Variants in PLCE1 observed in about 807,000 individuals in gnomAD.
The protein encoded by PLCE1 is 1-phosphatidylinositol 4,5-bisphosphate phosphodiesterase epsilon-1.
PLCE1 carries 119 observed loss-of-function variants against 242.8 expected under a neutral mutation model. That is an observed-to-expected ratio of 0.49 (90% CI 0.42 to 0.57). The LOEUF is 0.57. Ranked by LOEUF, PLCE1 falls within the 20% of genes least tolerant of loss-of-function variation. The pLI, the probability that PLCE1 is intolerant of heterozygous loss-of-function variation, is 0.00. For missense variants in PLCE1, 2,441 were observed against 2,788.8 expected, an observed-to-expected ratio of 0.88 and a Z score of 2.81; for synonymous variants, 945 against 1,017.4, an observed-to-expected ratio of 0.93 and a Z score of 1.35.
At chr10:94,160,671 GT>G (rs1024741425) in intron 3 of PLCE1, among the ~76,000 whole-genome samples, 4 of 152,182 alleles carry the variant, frequency 2.6e-5, no homozygotes, top group African/African-American at 4.8e-5. Context: ...TGCTTTTGGT[GT>G]TTTAGACATG....
At chr10:94,291,801 G>A (rs544520936) in intron 22 of PLCE1, among the ~76,000 whole-genome samples, 3 of 152,092 alleles carry the variant, frequency 2.0e-5, no homozygotes, top group African/African-American at 4.8e-5. Context: ...TGTTGTTATC[G>A]GTAAGTGAGC....
At chr10:94,059,209 G>T (rs982286528) in intron 2 of PLCE1, among the ~76,000 whole-genome samples, 1 of 152,354 alleles carries the variant, frequency 6.6e-6, no homozygotes, top group South Asian at 2.1e-4. Flanking sequence ...CATTCATGAG[G>T]ATAGGAATAA....
chr10:94,274,465 A>G (rs962034417), intron 19 of PLCE1, among the ~76,000 whole-genome samples: 2 of 152,204 alleles, frequency 1.3e-5, no homozygotes, highest in African/African-American at 4.8e-5. Flanking sequence ...GAACCTGCAT[A>G]TTCCCTTGAA....
At chr10:94,248,168 C>G (rs2050753065) in intron 8 of PLCE1, among the ~76,000 whole-genome samples, 1 of 152,156 alleles carries the variant, frequency 6.6e-6, no homozygotes, top group South Asian at 2.1e-4. Context: ...TTCCCTACAC[C>G]CATGTCACGA....
chr10:94,134,001 G>T (rs1334651403), intron 3 of PLCE1, among the ~76,000 whole-genome samples: 1 of 152,098 alleles, frequency 6.6e-6, no homozygotes, highest in Non-Finnish European at 1.5e-5. Context: ...ATGTGGAATT[G>T]GCATTGTTTT....
At chr10:94,124,381 GA>G (rs981911349) in intron 2 of PLCE1, among the ~76,000 whole-genome samples, 220 of 58,566 alleles carry the variant, frequency 3.8e-3, no homozygotes, top group Middle Eastern at 0.023. Flanking sequence ...TTGTCTCAGA[GA>G]AAAAAAAAAA....
At chr10:94,120,401 A>G (rs1350774605) in intron 2 of PLCE1, among the ~76,000 whole-genome samples, 1 of 152,144 alleles carries the variant, frequency 6.6e-6, no homozygotes, top group African/African-American at 2.4e-5. Context: ...TGCTCAATTA[A>G]TCAGGACCAG....
intron 2 of PLCE1, among the ~76,000 whole-genome samples, chr10:94,041,429 C>G (rs2061765694): frequency 1.3e-5 from 2 of 152,146 alleles, no homozygotes; most frequent in Admixed American, 6.5e-5. Context: ...GCAAACCCAG[C>G]AATCCATGCT....
chr10:94,158,513 A>G (rs1261673928), intron 3 of PLCE1, among the ~76,000 whole-genome samples: 3 of 152,166 alleles, frequency 2.0e-5, no homozygotes, highest in African/African-American at 7.2e-5. Flanking sequence ...CTCCCTGGAA[A>G]TTTCCCAATG....
chr10:94,012,651 T>C (rs150702097), intron 1 of PLCE1, among the ~76,000 whole-genome samples: 4 of 152,244 alleles, frequency 2.6e-5, no homozygotes, highest in Non-Finnish European at 5.9e-5. Flanking sequence ...GTGCTGCAGT[T>C]AGCCCAAAGT....
intron 8 of PLCE1, among the ~76,000 whole-genome samples, chr10:94,250,404 G>A (rs1261590595): frequency 6.6e-6 from 1 of 151,036 alleles, no homozygotes; most frequent in Admixed American, 6.6e-5. Flanking sequence ...TGGGAATTGA[G>A]GCAGGAGAAT....
intron 2 of PLCE1, among the ~76,000 whole-genome samples, chr10:94,039,866 T>C (rs888039140): frequency 1.3e-5 from 2 of 152,252 alleles, no homozygotes; most frequent in Admixed American, 6.5e-5. Context: ...AGTCAAATTA[T>C]TTGCCCATTT....
chr10:94,237,072 C>T (rs1282761974), intron 7 of PLCE1, among the ~76,000 whole-genome samples: 1 of 152,162 alleles, frequency 6.6e-6, no homozygotes, highest in African/African-American at 2.4e-5. Context: ...GAGGAAATCA[C>T]AATTCATTAT....
intron 2 of PLCE1, among the ~76,000 whole-genome samples, chr10:94,069,705 G>A (rs4508138): frequency 6.0e-4 from 91 of 152,330 alleles, no homozygotes; most frequent in African/African-American, 2.1e-3. Flanking sequence ...AATATCCAAA[G>A]AGTTGGGATT....
At chr10:94,307,749 T>A (rs899117640) in intron 26 of PLCE1, among the ~76,000 whole-genome samples, 8 of 152,170 alleles carry the variant, frequency 5.3e-5, no homozygotes, top group Non-Finnish European at 2.9e-5. Flanking sequence ...AAGGACCCCA[T>A]TTTAACTTAG....
chr10:94,084,397 A>C (rs886430693), intron 2 of PLCE1, among the ~76,000 whole-genome samples: 1 of 152,106 alleles, frequency 6.6e-6, no homozygotes, highest in Non-Finnish European at 1.5e-5. Flanking sequence ...GAAGAACTGG[A>C]CTGGAAGCTG....
chr10:94,095,105 A>G (rs1427252371), intron 2 of PLCE1, among the ~76,000 whole-genome samples: 4 of 151,702 alleles, frequency 2.6e-5, no homozygotes, highest in Admixed American at 6.6e-5. Flanking sequence ...TTTTCCCTCT[A>G]TTTTCTTTAT....
At chr10:94,082,684 T>G (rs535709965) in intron 2 of PLCE1, among the ~76,000 whole-genome samples, 2 of 152,316 alleles carry the variant, frequency 1.3e-5, no homozygotes, top group East Asian at 3.9e-4. Flanking sequence ...TTTCTGTCAA[T>G]GAAAGCCAAT....
intron 4 of PLCE1, among the ~76,000 whole-genome samples, chr10:94,218,983 T>TTATA (rs909971772): frequency 8.8e-5 from 13 of 147,642 alleles, no homozygotes; most frequent in Non-Finnish European, 1.8e-4. Flanking sequence ...TTAATTATAG[T>TTATA]TATATATAAA....
Sources: allele counts gnomAD v4.1 joint callset (sites outside exome capture counted in the v4.1 genomes callset), GRCh38; gene constraint gnomAD v4.1.1; transcripts MANE v1.5; gene names NCBI Gene and HGNC (gene_info 2026-07-23, HGNC 2026-07-21).